Variants in PPP2R2C observed in about 807,000 individuals in gnomAD.
The protein encoded by PPP2R2C is protein phosphatase 2, regulatory subunit B, gamma.
Under a neutral mutation model 45.3 loss-of-function variants are expected in PPP2R2C, and 10 were observed. The ratio of observed to expected loss-of-function variants is 0.22; its 90% CI spans 0.14 to 0.37. The LOEUF is 0.37. PPP2R2C is among the 10% of genes least tolerant of loss of function. The probability of loss-of-function intolerance (pLI) is 1.00; values close to 1 mark genes in which losing one functional copy is unlikely to be tolerated. For synonymous variants in PPP2R2C, 257 were observed against 245.4 expected (o/e 1.05, Z -0.44); for missense variants, 308 against 619.7 (o/e 0.50, Z 5.34).
intron 1 of PPP2R2C, among the ~76,000 whole-genome samples, chr4:6,462,567 C>A (rs1721382814): frequency 6.6e-6 from 1 of 152,222 alleles, no homozygotes; most frequent in Non-Finnish European, 1.5e-5. Flanking sequence ...TCAGAAAAGA[C>A]AAGAGACAGA....
At position 6,355,993 on chromosome 4, in the gene PPP2R2C, G is replaced by GAAAAAAAAAAA. The variant is rs61011461; in HGVS notation, c.626-7994_626-7984dup. Among the ~76,000 whole-genome samples, 191 of 97,870 alleles carry GAAAAAAAAAAA rather than the reference G, an allele frequency of 2.0e-3. 4 individuals carry two copies. The highest frequency in any genetic ancestry group is 2.8e-3 in the East Asian group (10 of 3,600). The allele number at this position is 97,870 out of a possible 152,430, so 64.2% of individuals were successfully genotyped here. ...GGGTGACAGAGTGAGACTCTGCCTG[G>GAAAAAAAAAAA]AAAAAAAAAAAAAAAAAAAAAAAGA... On this transcript the variant is annotated intron_variant, in intron 5 of 8. Coordinates refer to ENST00000382599, the MANE Select transcript of PPP2R2C (RefSeq NM_020416.4).
At chr4:6,377,661 C>CA (rs1282295007) in intron 3 of PPP2R2C, among the ~76,000 whole-genome samples, 1 of 151,416 alleles carries the variant, frequency 6.6e-6, no homozygotes, top group Non-Finnish European at 1.5e-5. Flanking sequence ...TCTTGTCTCT[C>CA]AAAAAAAGAA....
intron 2 of PPP2R2C, among the ~76,000 whole-genome samples, chr4:6,532,319 C>A (rs1216393299): frequency 6.6e-6 from 1 of 152,186 alleles, no homozygotes; most frequent in Admixed American, 6.5e-5. Flanking sequence ...AAAGTCAGAG[C>A]TGGAGAGGAA....
chr4:6,552,572 TCTC>T (rs1199080867), intron 1 of PPP2R2C, among the ~76,000 whole-genome samples: 10 of 151,814 alleles, frequency 6.6e-5, no homozygotes, highest in African/African-American at 2.2e-4. Context: ...TGTCATCCCA[TCTC>T]CTTCTCTGAT....
upstream of PPP2R2C, among the ~76,000 whole-genome samples, chr4:6,473,402 G>A (rs897563391): frequency 1.3e-5 from 2 of 152,082 alleles, no homozygotes; most frequent in African/African-American, 4.8e-5. Context: ...GTTTTGCCAA[G>A]CTGCCACCTC....
chr4:6,560,051 G>T (rs1032030160), intron 1 of PPP2R2C, among the ~76,000 whole-genome samples: 2 of 152,262 alleles, frequency 1.3e-5, no homozygotes, highest in African/African-American at 4.8e-5. Context: ...GTCCCTTAAG[G>T]TGTTGGGGGA....
chr4:6,405,595 A>C (rs533402673), intron 1 of PPP2R2C, among the ~76,000 whole-genome samples: 1 of 152,258 alleles, frequency 6.6e-6, no homozygotes, highest in Non-Finnish European at 1.5e-5. Context: ...TCCTGGGCCC[A>C]TTAGCAAATC....
intron 1 of PPP2R2C, among the ~76,000 whole-genome samples, chr4:6,539,962 G>T (rs1242728452): frequency 6.6e-6 from 1 of 152,096 alleles, no homozygotes; most frequent in Non-Finnish European, 1.5e-5. Context: ...CCTGCCCCAG[G>T]CCCGTGAGGA....
At chr4:6,457,757 G>A (rs532065004) in intron 1 of PPP2R2C, among the ~76,000 whole-genome samples, 1 of 152,132 alleles carries the variant, frequency 6.6e-6, no homozygotes, top group Non-Finnish European at 1.5e-5. Context: ...GATGTCAAGT[G>A]CTTTATTTCT....
chr4:6,321,757 G>C lies in PPP2R2C; in HGVS notation c.*1545C>G, dbSNP rs1731565665. ...ACGTGGCTCTGCTGCAAGTCCATGA[G>C]CAAAGACGACTCAGAGGGGTGGGCA... is the stretch of plus-strand genomic sequence containing the variant. On this transcript the variant is annotated 3_prime_UTR_variant, in exon 9 of 9. Transcript: ENST00000382599. 1 of 152,124 alleles carries C rather than the reference G, an allele frequency of 6.6e-6. No homozygotes were observed. The highest frequency in any genetic ancestry group is 6.5e-5 in the Admixed American group (1 of 15,272). The allele number at this position is 152,124 out of a possible 1,614,324, so 9.4% of individuals were successfully genotyped here. A position where few individuals can be genotyped will look rare whatever the true frequency, so the allele number is the denominator to read the frequency against.
chr4:6,500,192 G>A (rs1053296097), intron 2 of PPP2R2C, among the ~76,000 whole-genome samples: 1 of 152,148 alleles, frequency 6.6e-6, no homozygotes, highest in African/African-American at 2.4e-5. Flanking sequence ...TTGTTGCCCA[G>A]GCTGGAGTGT....
At chr4:6,327,830 G>A (rs947275042) in intron 8 of PPP2R2C, among the ~76,000 whole-genome samples, 2 of 152,194 alleles carry the variant, frequency 1.3e-5, no homozygotes, top group African/African-American at 4.8e-5. Context: ...GCTCTGCTGA[G>A]AGACCCCTGC....
At chr4:6,532,001 G>C (rs1019452669) in intron 2 of PPP2R2C, among the ~76,000 whole-genome samples, 7 of 152,238 alleles carry the variant, frequency 4.6e-5, no homozygotes, top group African/African-American at 1.7e-4. Context: ...ATTTTCTGGA[G>C]TGTAAATTAT....
At chr4:6,465,036 T>C (rs1721523319) in intron 1 of PPP2R2C, among the ~76,000 whole-genome samples, 1 of 152,172 alleles carries the variant, frequency 6.6e-6, no homozygotes, top group Admixed American at 6.5e-5. Flanking sequence ...GAAATGATGG[T>C]TGTCAATACG....
At chr4:6,520,258 C>T (rs919983797) in intron 2 of PPP2R2C, among the ~76,000 whole-genome samples, 1 of 152,094 alleles carries the variant, frequency 6.6e-6, no homozygotes, top group Non-Finnish European at 1.5e-5. Flanking sequence ...GGAGTGGACA[C>T]TCAGCAAGCG....
chr4:6,394,148 A>G (rs960399436), intron 1 of PPP2R2C, among the ~76,000 whole-genome samples: 2 of 152,202 alleles, frequency 1.3e-5, no homozygotes, highest in African/African-American at 4.8e-5. Flanking sequence ...GGGGCCTAGA[A>G]TCTGCATTCT....
chr4:6,542,034 G>C (rs1045276473), intron 1 of PPP2R2C, among the ~76,000 whole-genome samples: 2 of 152,246 alleles, frequency 1.3e-5, no homozygotes, highest in Non-Finnish European at 2.9e-5. Flanking sequence ...TTATCCAGGA[G>C]CTAAGTCAAA....
chr4:6,377,774 C>T (rs1715451228), intron 3 of PPP2R2C, among the ~76,000 whole-genome samples: 1 of 152,266 alleles, frequency 6.6e-6, no homozygotes, highest in Admixed American at 6.5e-5. Context: ...GGGACCCAGG[C>T]CCATGGTGAG....
At chr4:6,454,677 T>C (rs1720920767) in intron 1 of PPP2R2C, among the ~76,000 whole-genome samples, 1 of 152,200 alleles carries the variant, frequency 6.6e-6, no homozygotes, top group Non-Finnish European at 1.5e-5. Flanking sequence ...ATAAAATGGT[T>C]CTCATCACAT....
Sources: gnomAD v4.1 joint callset for allele counts (sites outside exome capture counted in the v4.1 genomes callset) on GRCh38, gnomAD v4.1.1 for gene constraint, MANE v1.5 for transcripts, NCBI Gene and HGNC (gene_info 2026-07-23, HGNC 2026-07-21) for gene names.